The following CAMK2B variants were observed in gnomAD, a reference collection of about 807,000 sequenced individuals.
CAMK2B encodes calcium/calmodulin dependent protein kinase II beta.
CAMK2B carries 27 observed loss-of-function variants against 93.7 expected under a neutral mutation model. The ratio of observed to expected loss-of-function variants is 0.29; its 90% confidence interval spans 0.21 to 0.40. The LOEUF (loss-of-function observed/expected upper bound fraction) is 0.40, where lower values mean the gene tolerates loss of function less well. Ranked by LOEUF, CAMK2B falls within the 10% of genes least tolerant of loss-of-function variation. The pLI, the probability that CAMK2B is intolerant of heterozygous loss-of-function variation, is 1.00. For synonymous variants in CAMK2B, 374 were observed against 358.8 expected (o/e 1.04, Z -0.48); for missense variants, 568 against 895.8 (o/e 0.63, Z 4.67).
At chr7:44,221,883 C>A (rs946221874) in intron 20 of CAMK2B, among the ~76,000 whole-genome samples, 4 of 152,206 alleles carry the variant, frequency 2.6e-5, no homozygotes, top group Non-Finnish European at 5.9e-5. Flanking sequence ...CCACACTCTA[C>A]GGATTCAAAT....
At chr7:44,239,550 G>A (rs948745954) in intron 13 of CAMK2B, 39 bp downstream of exon 13, 8 of 1,500,576 alleles carry the variant, frequency 5.3e-6, no homozygotes, top group Middle Eastern at 2.2e-4. Context: ...CAGGAGGGAC[G>A]GGCGGGAGCG....
At chr7:44,244,309 C>A (rs1260611933) in intron 6 of CAMK2B, among the ~76,000 whole-genome samples, 2 of 152,182 alleles carry the variant, frequency 1.3e-5, no homozygotes, top group Non-Finnish European at 2.9e-5. Context: ...GCCAAGGAGG[C>A]CTGGGGGCAC....
intron 1 of CAMK2B, among the ~76,000 whole-genome samples, chr7:44,288,373 T>A (rs1584641522): frequency 1.3e-5 from 2 of 152,200 alleles, no homozygotes; most frequent in South Asian, 4.1e-4. Context: ...GCCTCTAGGG[T>A]GTGGACCATC....
chr7:44,293,179 G>T (rs114655512), intron 1 of CAMK2B, among the ~76,000 whole-genome samples: 2,230 of 152,272 alleles, frequency 0.015, 50 homozygotes, highest in African/African-American at 0.051. Flanking sequence ...TCTCAAACCT[G>T]CCAGGTCCCC....
chr7:44,253,909 T>TG (rs113731790), intron 5 of CAMK2B, among the ~76,000 whole-genome samples: 11,799 of 147,586 alleles, frequency 0.08, 518 homozygotes, highest in South Asian at 0.1. Context: ...CAGTTTTTTT[T>TG]TTTTTTTTTT....
chr7:44,236,663 G>C (rs528551334), intron 13 of CAMK2B, among the ~76,000 whole-genome samples: 1 of 152,200 alleles, frequency 6.6e-6, no homozygotes, highest in African/African-American at 2.4e-5. Context: ...TGCTATGGAG[G>C]GAGAGTCCTG....
chr7:44,324,363 G>T (rs1466310177), intron 1 of CAMK2B, among the ~76,000 whole-genome samples: 1 of 152,164 alleles, frequency 6.6e-6, no homozygotes, highest in Non-Finnish European at 1.5e-5. Context: ...AGATTCAGGA[G>T]TTCTGAAGCT....
At chr7:44,241,677 G>A in intron 11 of CAMK2B, 23 bp downstream of exon 11, 1 of 1,592,652 alleles carries the variant, frequency 6.3e-7, no homozygotes, top group Admixed American at 1.7e-5. Context: ...GGCCGTGCCT[G>A]GGACTAGGGG....
At chr7:44,301,419 C>T (rs962527847) in intron 1 of CAMK2B, among the ~76,000 whole-genome samples, 16 of 152,308 alleles carry the variant, frequency 1.1e-4, no homozygotes, top group South Asian at 2.1e-4. Context: ...TTACAGGTGT[C>T]AGCCATTGCA....
At chr7:44,306,539 C>G (rs1028016701) in intron 1 of CAMK2B, among the ~76,000 whole-genome samples, 3 of 152,198 alleles carry the variant, frequency 2.0e-5, no homozygotes, top group African/African-American at 7.2e-5. Context: ...GCCCACTGTG[C>G]CCATGCTCTT....
chr7:44,249,175 G>C (rs1562898308), intron 5 of CAMK2B, among the ~76,000 whole-genome samples: 1 of 152,154 alleles, frequency 6.6e-6, no homozygotes, highest in African/African-American at 2.4e-5. Context: ...CCTCCTCCTT[G>C]TTCCTGAAGG....
rs372223251 is a variant in CAMK2B at position 44,220,946 on chromosome 7, C to T, written c.1598-45G>A. 70 of 1,486,076 alleles carry T rather than the reference C, an allele frequency of 4.7e-5. No homozygotes were observed. The African/African-American group carries it at 7.9e-4, about 17-fold the overall frequency. The allele number at this position is 1,486,076 out of a possible 1,614,324, so 92.1% of individuals were successfully genotyped here. The stretch of plus-strand genomic sequence containing the variant: ...GGTGACCACTGGGCGCTGGCCCATT[C>T]CCCCCGGACCCCTCCACACAGCCCA... On this transcript the variant is annotated intron_variant, in intron 20 of 23. Transcript: ENST00000395749.
intron 11 of CAMK2B, 103 bp from the exon 12 acceptor site, chr7:44,240,852 ATTGTC>A: frequency 8.0e-7 from 1 of 1,250,226 alleles, no homozygotes. Flanking sequence ...GCTCAGCCTC[ATTGTC>A]ATGAGGCTGA....
Position 44,250,385 on chromosome 7 carries a change from T to G in CAMK2B, c.342-3193A>C, listed in dbSNP as rs12674416. Among the ~76,000 whole-genome samples the G allele has an allele frequency of 3.1e-3, 477 of 152,334 alleles. 20 individuals are homozygous for G. The East Asian group carries it at 0.082, about 26-fold the overall frequency. On this transcript the variant is annotated intron_variant, in intron 5 of 23. Transcript: ENST00000395749. ...TTTGTTTTTTCATGTTTTGAACAGTTTAAGATGTCACTTTTGTGATTAGAA... is the reference window on the plus strand; with the variant it reads ...TTTGTTTTTTCATGTTTTGAACAGTGTAAGATGTCACTTTTGTGATTAGAA...
rs778128240 is a variant in CAMK2B, at chr7:44,325,441, G to C, written c.-20C>G. 39 of 1,108,136 alleles carry C rather than the reference G, an allele frequency of 3.5e-5. No individual in the cohort carries two copies. The highest frequency in any genetic ancestry group is 4.2e-5 in the Non-Finnish European group (38 of 894,848). The allele number at this position is 1,108,136 out of a possible 1,614,324, so 68.6% of individuals were successfully genotyped here. A position where few individuals can be genotyped will look rare whatever the true frequency, so the allele number is the denominator to read the frequency against. On this transcript the variant is annotated 5_prime_UTR_variant, in exon 1 of 24. Transcript: ENST00000395749. ...GGCCATGGCGGCGGCGGACGGGCTC[G>C]GCGTGCGCTCGGCTGCGCTCGGGCG...
At chr7:44,297,481 C>G (rs1788607572) in intron 1 of CAMK2B, among the ~76,000 whole-genome samples, 2 of 152,140 alleles carry the variant, frequency 1.3e-5, no homozygotes, top group Non-Finnish European at 1.5e-5. Context: ...TGGTAGCTAT[C>G]AATCCAACTA....
intron 6 of CAMK2B, 57 bp from the exon 7 acceptor site, chr7:44,243,584 T>G: frequency 7.3e-7 from 1 of 1,361,454 alleles, no homozygotes; most frequent in Non-Finnish European, 1.0e-6. Flanking sequence ...AGGTGTTATG[T>G]GGGGTTGGGT....
chr7:44,240,513 T>C (rs1304371684), intron 12 of CAMK2B, among the ~76,000 whole-genome samples, 194 bp downstream of exon 12: 2 of 152,196 alleles, frequency 1.3e-5, no homozygotes, highest in Non-Finnish European at 2.9e-5. Flanking sequence ...CTCGGGGGGC[T>C]GGACCCTGTG....
chr7:44,235,800 G>A (rs2096620012), intron 13 of CAMK2B, among the ~76,000 whole-genome samples: 1 of 152,210 alleles, frequency 6.6e-6, no homozygotes, highest in Non-Finnish European at 1.5e-5. Context: ...AGCCGGGAAG[G>A]AAGGTGGCAC....
Sources: gnomAD v4.1 joint callset for allele counts (sites outside exome capture counted in the v4.1 genomes callset) on GRCh38, gnomAD v4.1.1 for gene constraint, MANE v1.5 for transcripts, NCBI Gene and HGNC (gene_info 2026-07-23, HGNC 2026-07-21) for gene names.